Variants in CCBE1 observed in about 807,000 individuals in gnomAD.
CCBE1 encodes collagen and calcium binding EGF domains 1, also known as collagen and calcium-binding EGF domain-containing protein 1.
Under a neutral mutation model 50.0 loss-of-function variants are expected in CCBE1, and 37 were observed. That is an observed-to-expected ratio of 0.74 (90% CI 0.57 to 0.97). The LOEUF is 0.97. CCBE1 is among the 50% of genes least tolerant of loss of function. The pLI is 0.00. For synonymous variants in CCBE1, 234 were observed against 203.7 expected (o/e 1.15, Z -1.27); for missense variants, 538 against 523.8 (o/e 1.03, Z -0.26).
intron 3 of CCBE1, among the ~76,000 whole-genome samples, chr18:59,477,447 T>C (rs1015642687): frequency 9.2e-5 from 14 of 152,186 alleles, no homozygotes; most frequent in Non-Finnish European, 4.4e-5. Context: ...AGGTTACATG[T>C]ATCAGCTATG....
At chr18:59,683,406 A>G (rs982201757) in intron 2 of CCBE1, among the ~76,000 whole-genome samples, 1 of 152,232 alleles carries the variant, frequency 6.6e-6, no homozygotes, top group African/African-American at 2.4e-5. Flanking sequence ...TTTTTTAAAA[A>G]GACAGTTGGC....
intron 2 of CCBE1, among the ~76,000 whole-genome samples, chr18:59,543,846 A>AAAAAAAAG (rs1915574121): frequency 7.1e-6 from 1 of 140,586 alleles, no homozygotes; most frequent in Non-Finnish European, 1.5e-5. Context: ...AAAAAAAAAA[A>AAAAAAAAG]AAAAAAAAAA....
intron 2 of CCBE1, among the ~76,000 whole-genome samples, chr18:59,508,562 A>C (rs1206130442): frequency 6.6e-6 from 1 of 151,966 alleles, no homozygotes; most frequent in African/African-American, 2.4e-5. Flanking sequence ...ACACCACTAT[A>C]CTCTAGCCTG....
chr18:59,472,631 C>T (rs544995684), intron 3 of CCBE1, among the ~76,000 whole-genome samples: 5 of 152,280 alleles, frequency 3.3e-5, no homozygotes, highest in Non-Finnish European at 5.9e-5. Context: ...TTACCAGCAC[C>T]GCGCCCAGCC....
At chr18:59,664,060 T>C (rs1489489710) in intron 2 of CCBE1, among the ~76,000 whole-genome samples, 1 of 152,180 alleles carries the variant, frequency 6.6e-6, no homozygotes, top group African/African-American at 2.4e-5. Context: ...TTTTGAAGAC[T>C]GAGAAGTCTG....
At chr18:59,653,620 G>T (rs934615011) in intron 2 of CCBE1, among the ~76,000 whole-genome samples, 3 of 152,070 alleles carry the variant, frequency 2.0e-5, no homozygotes, top group South Asian at 2.1e-4. Flanking sequence ...ATTGACCAAG[G>T]TCACCCAGTA....
intron 2 of CCBE1, among the ~76,000 whole-genome samples, chr18:59,666,836 G>A (rs771811707): frequency 3.3e-5 from 5 of 152,082 alleles, no homozygotes; most frequent in Admixed American, 6.5e-5. Context: ...GTGGTGGTGC[G>A]TGCCTGTAGT....
At chr18:59,452,995 G>A (rs142103224) in intron 6 of CCBE1, among the ~76,000 whole-genome samples, 1 of 152,284 alleles carries the variant, frequency 6.6e-6, no homozygotes, top group East Asian at 1.9e-4. Context: ...CAGGGTCTTT[G>A]AGGGTGACAA....
intron 2 of CCBE1, among the ~76,000 whole-genome samples, chr18:59,627,795 C>A (rs1347892749): frequency 6.6e-6 from 1 of 152,304 alleles, no homozygotes; most frequent in Middle Eastern, 3.4e-3. Flanking sequence ...TGTCTTCTAA[C>A]CTTCAGAACT....
rs1599087555 is a variant in CCBE1 at position 59,637,384 on chromosome 18, T to A, written c.212+59245A>T. On this transcript the variant is annotated intron_variant, in intron 2 of 10. Coordinates refer to ENST00000439986, the MANE Select transcript of CCBE1 (RefSeq NM_133459.4). ...ACAGAAGAAAAGTGATAAACCATGT[T>A]AATAGTCTGATTTATCCATCAATTA... Among the ~76,000 whole-genome samples, 6 of 152,292 alleles carry A rather than the reference T, an allele frequency of 3.9e-5. 1 individual carries two copies. Among genetic ancestry groups the A allele is most frequent in the Admixed American group, 3.9e-4 (6 of 15,294 alleles).
At position 59,431,150 on chromosome 18, in the gene CCBE1, C is replaced by T. The variant is rs1447831317; in HGVS notation, c.*4758G>A. 6.6e-6 allele frequency: 1 copy of T among 152,126 alleles called. No homozygotes were observed. The highest frequency in any genetic ancestry group is 1.5e-5 in the Non-Finnish European group (1 of 68,034). 9.4% of individuals were successfully genotyped at this position (152,126 alleles called of 1,614,324 possible). A position where few individuals can be genotyped will look rare whatever the true frequency, so the allele number is the denominator to read the frequency against. ...ATTCCTAAGGGGACTTGCTTTGATCCCCTGGGGAGTAAGAGGGTCCTTTTC... is the reference window on the plus strand; with the variant it reads ...ATTCCTAAGGGGACTTGCTTTGATCTCCTGGGGAGTAAGAGGGTCCTTTTC... On this transcript the variant is annotated 3_prime_UTR_variant, in exon 11 of 11. Coordinates refer to ENST00000439986, the MANE Select transcript of CCBE1 (RefSeq NM_133459.4).
chr18:59,529,998 C>T (rs1598983692), intron 2 of CCBE1, among the ~76,000 whole-genome samples: 1 of 152,156 alleles, frequency 6.6e-6, no homozygotes, highest in Non-Finnish European at 1.5e-5. Context: ...GCCCCAATCC[C>T]AGAGTTTCTG....
intron 2 of CCBE1, among the ~76,000 whole-genome samples, chr18:59,571,908 G>A (rs2052921127): frequency 6.6e-6 from 1 of 152,190 alleles, no homozygotes; most frequent in South Asian, 2.1e-4. Context: ...ACGAGAGCTG[G>A]TGGCAAATGT....
chr18:59,455,016 G>A (rs1422518518), intron 5 of CCBE1, 65 bp from the exon 6 acceptor site: 1 of 1,293,034 alleles, frequency 7.7e-7, no homozygotes, highest in East Asian at 2.3e-5. Flanking sequence ...CAGAGAGACA[G>A]CATCGGGAAG....
At chr18:59,594,458 A>G (rs965451565) in intron 2 of CCBE1, among the ~76,000 whole-genome samples, 4 of 152,240 alleles carry the variant, frequency 2.6e-5, no homozygotes, top group African/African-American at 7.2e-5. Context: ...CTCAAAGTGT[A>G]CTGGAGATGG....
At chr18:59,696,434 C>G in intron 2 of CCBE1, 195 bp downstream of exon 2, 1 of 1,400,298 alleles carries the variant, frequency 7.1e-7, no homozygotes, top group Non-Finnish European at 9.4e-7. Flanking sequence ...GACGCAAAGT[C>G]AGTTGCTCAG....
At chr18:59,646,584 C>A (rs562452390) in intron 2 of CCBE1, among the ~76,000 whole-genome samples, 1 of 152,140 alleles carries the variant, frequency 6.6e-6, no homozygotes. Context: ...ACAACCCCTG[C>A]GAGATTAAAC....
intron 2 of CCBE1, among the ~76,000 whole-genome samples, chr18:59,636,919 G>A (rs2053923810): frequency 6.6e-6 from 1 of 152,204 alleles, no homozygotes; most frequent in Non-Finnish European, 1.5e-5. Flanking sequence ...TACCTTGATA[G>A]TGTCTTTAAA....
chr18:59,480,007 T>A (rs1320972459), intron 3 of CCBE1, among the ~76,000 whole-genome samples, 179 bp downstream of exon 3: 1 of 152,224 alleles, frequency 6.6e-6, no homozygotes, highest in African/African-American at 2.4e-5. Context: ...ATTCAGACAC[T>A]GCACGCTACA....
Sources: allele counts gnomAD v4.1 joint callset (sites outside exome capture counted in the v4.1 genomes callset), GRCh38; gene constraint gnomAD v4.1.1; transcripts MANE v1.5; gene names NCBI Gene and HGNC (gene_info 2026-07-23, HGNC 2026-07-21).